RAB8B: variants seen among roughly 807,000 people sequenced by gnomAD.
RAB8B encodes ras-related protein Rab-8B.
Under a neutral mutation model 32.0 loss-of-function variants are expected in RAB8B, and 11 were observed. The observed-to-expected ratio is 0.34, with a 90% confidence interval of 0.22 to 0.57. RAB8B has a LOEUF of 0.57. Among genes scored for constraint, RAB8B ranks in the 20% least tolerant of loss-of-function variants. RAB8B has a pLI of 0.86. For missense variants in RAB8B, 190 were observed against 258.5 expected (o/e 0.73, Z 1.82); for synonymous variants, 103 against 89.6 (o/e 1.15, Z -0.85).
At chr15:63,238,447 C>G (rs2038002719) in intron 1 of RAB8B, among the ~76,000 whole-genome samples, 1 of 152,058 alleles carries the variant, frequency 6.6e-6, no homozygotes, top group Admixed American at 6.6e-5. Flanking sequence ...TCATTGTCCC[C>G]TTTTTCTTTC....
In RAB8B at chr15:63,199,374, T is replaced by A. The variant is rs201247479; in HGVS notation, c.124+9626T>A. 6.1e-4 allele frequency among the ~76,000 whole-genome samples: 93 copies of A among 152,324 alleles called. 1 individual carries two copies. In the East Asian group the frequency reaches 0.013, roughly 22 times the overall value. ...ACATTGTTTAGAACTAGATAATTTT[T>A]AAAAAATTGGTGCCTCTCTCTGCCA... On this transcript the variant is annotated intron_variant, in intron 1 of 7. Coordinates refer to ENST00000321437, the MANE Select transcript of RAB8B (RefSeq NM_016530.3).
At chr15:63,256,176 C>T (rs980146023) in intron 4 of RAB8B, among the ~76,000 whole-genome samples, 4 of 151,996 alleles carry the variant, frequency 2.6e-5, no homozygotes, top group African/African-American at 9.7e-5. Flanking sequence ...TCTAGAATAC[C>T]ATCTCCACTG....
intron 1 of RAB8B, among the ~76,000 whole-genome samples, chr15:63,223,375 G>T (rs2037860881): frequency 1.3e-5 from 2 of 152,180 alleles, no homozygotes; most frequent in African/African-American, 4.8e-5. Context: ...GCCCCAAAGT[G>T]CTGGGATTAC....
At position 63,219,321 on chromosome 15, in the gene RAB8B, G is replaced by A. The variant is rs1042849963; in HGVS notation, c.125-25435G>A. Among the ~76,000 whole-genome samples the A allele has an allele frequency of 6.6e-5, 10 of 151,510 alleles. No individual in the cohort carries two copies. In the East Asian group the frequency reaches 1.9e-3, roughly 29 times the overall value. On this transcript the variant is annotated intron_variant, in intron 1 of 7. Coordinates refer to ENST00000321437, the MANE Select transcript of RAB8B (RefSeq NM_016530.3). ...AAAAAAAAAAAAAAAGAAAGAAAGA[G>A]AGAAAGAGATCGAGAGAGAGAATGT...
At chr15:63,227,985 T>G (rs768737124) in intron 1 of RAB8B, among the ~76,000 whole-genome samples, 3 of 152,030 alleles carry the variant, frequency 2.0e-5, no homozygotes, top group Non-Finnish European at 4.4e-5. Context: ...CTTTCTCTTC[T>G]TCCTTTTCTC....
At chr15:63,204,735 A>T (rs556224776) in intron 1 of RAB8B, among the ~76,000 whole-genome samples, 1 of 152,364 alleles carries the variant, frequency 6.6e-6, no homozygotes, top group South Asian at 2.1e-4. Flanking sequence ...GTCATTAATC[A>T]TACTTTTACA....
intron 1 of RAB8B, among the ~76,000 whole-genome samples, chr15:63,218,161 G>T (rs192028092): frequency 2.6e-5 from 4 of 152,086 alleles, no homozygotes; most frequent in African/African-American, 9.6e-5. Flanking sequence ...GGAGGTGAAG[G>T]TTTAAAATAT....
intron 1 of RAB8B, among the ~76,000 whole-genome samples, chr15:63,218,253 C>A (rs371297432): frequency 1.3e-5 from 2 of 152,284 alleles, no homozygotes; most frequent in South Asian, 4.1e-4. Context: ...TTTCCTCTTA[C>A]GTTAAATGGG....
At chr15:63,220,624 CACTT>C (rs2037836767) in intron 1 of RAB8B, among the ~76,000 whole-genome samples, 1 of 152,074 alleles carries the variant, frequency 6.6e-6, no homozygotes, top group Admixed American at 6.6e-5. Flanking sequence ...TTTGTTTTAT[CACTT>C]AAAGTTACCC....
At chr15:63,193,476 A>T (rs1187243877) in intron 1 of RAB8B, among the ~76,000 whole-genome samples, 1 of 152,146 alleles carries the variant, frequency 6.6e-6, no homozygotes, top group African/African-American at 2.4e-5. Flanking sequence ...TTGAAAATTG[A>T]ATTTTTTTTA....
intron 1 of RAB8B, among the ~76,000 whole-genome samples, chr15:63,226,686 A>G (rs768227517): frequency 1.3e-5 from 2 of 152,162 alleles, no homozygotes; most frequent in Non-Finnish European, 2.9e-5. Flanking sequence ...CACATTTCTT[A>G]ACTTCTTTGT....
chr15:63,258,100 GTT>G lies in RAB8B; in HGVS notation c.415-1514_415-1513del, dbSNP rs71131155. Among the ~76,000 whole-genome samples, 15 of 142,202 alleles carry G rather than the reference GTT, an allele frequency of 1.1e-4. No individual in the cohort carries two copies. The South Asian group carries it at 2.2e-3, about 21-fold the overall frequency. 93.3% of individuals were successfully genotyped at this position (142,202 alleles called of 152,430 possible). ...AAAAAAGTAATTAAAAGTAAGTATA[GTT>G]TTTTTTTTTTTTATTTGAGATGGAG... On this transcript the variant is annotated intron_variant, in intron 5 of 7. Coordinates refer to ENST00000321437, the MANE Select transcript of RAB8B (RefSeq NM_016530.3).
intron 1 of RAB8B, among the ~76,000 whole-genome samples, chr15:63,191,001 T>C (rs2037551755): frequency 6.6e-6 from 1 of 152,228 alleles, no homozygotes; most frequent in Non-Finnish European, 1.5e-5. Context: ...TCTCTTAACT[T>C]ATCATAAACT....
chr15:63,192,153 C>G (rs2037560713), intron 1 of RAB8B, among the ~76,000 whole-genome samples: 1 of 152,144 alleles, frequency 6.6e-6, no homozygotes, highest in Non-Finnish European at 1.5e-5. Flanking sequence ...TTATTTAGCC[C>G]CAGAGCTCCA....
At chr15:63,256,121 C>T (rs546502126) in intron 4 of RAB8B, among the ~76,000 whole-genome samples, 7 of 152,268 alleles carry the variant, frequency 4.6e-5, no homozygotes, top group African/African-American at 1.4e-4. Flanking sequence ...ATTTTGTACA[C>T]GTTTCTATAA....
intron 1 of RAB8B, among the ~76,000 whole-genome samples, chr15:63,223,660 A>G (rs1261849260): frequency 1.3e-5 from 2 of 152,198 alleles, no homozygotes; most frequent in Non-Finnish European, 2.9e-5. Flanking sequence ...CTGGTTGTTA[A>G]GTGACACATG....
chr15:63,230,253 G>A (rs921638761), intron 1 of RAB8B, among the ~76,000 whole-genome samples: 1 of 152,140 alleles, frequency 6.6e-6, no homozygotes, highest in Non-Finnish European at 1.5e-5. Flanking sequence ...GATTCAGAAC[G>A]CTGGAAGTTT....
At chr15:63,208,241 C>T (rs978533541) in intron 1 of RAB8B, among the ~76,000 whole-genome samples, 2 of 152,174 alleles carry the variant, frequency 1.3e-5, no homozygotes, top group African/African-American at 2.4e-5. Context: ...CCCTCAACAT[C>T]TGTGCTGGGT....
chr15:63,261,489 T>C (rs146424092), intron 6 of RAB8B, among the ~76,000 whole-genome samples: 18 of 152,314 alleles, frequency 1.2e-4, no homozygotes, highest in South Asian at 2.1e-4. Flanking sequence ...AAATGTGGTA[T>C]GTATACACAA....
Sources: allele counts gnomAD v4.1 joint callset (sites outside exome capture counted in the v4.1 genomes callset), GRCh38; gene constraint gnomAD v4.1.1; transcripts MANE v1.5; gene names NCBI Gene and HGNC (gene_info 2026-07-23, HGNC 2026-07-21).